CEP43: variants seen among roughly 807,000 people sequenced by gnomAD.
CEP43 encodes the protein FGFR1 oncogene partner.
A neutral mutation model predicts 52.6 loss-of-function variants in CEP43; 36 were observed. The ratio of observed to expected loss-of-function variants is 0.68; its 90% CI spans 0.52 to 0.90. The LOEUF is 0.90. Ranked by LOEUF, CEP43 falls within the 40% of genes least tolerant of loss-of-function variation. The pLI, the probability that CEP43 is intolerant of heterozygous loss-of-function variation, is 0.00. For missense variants in CEP43, 506 were observed against 472.8 expected (o/e 1.07, Z -0.65); for synonymous variants, 192 against 172.4 (o/e 1.11, Z -0.89).
intron 7 of CEP43, among the ~76,000 whole-genome samples, chr6:167,016,994 T>TTTA (rs1780115327): frequency 2.0e-5 from 3 of 149,270 alleles, no homozygotes; most frequent in Non-Finnish European, 3.0e-5. Context: ...TTATTTATTT[T>TTTA]TTTTTTTTTT....
At chr6:167,032,667 T>C in intron 11 of CEP43, 25 bp downstream of exon 11, 4 of 1,539,714 alleles carry the variant, frequency 2.6e-6, no homozygotes, top group Non-Finnish European at 3.5e-6. Flanking sequence ...TGGGCAAATA[T>C]ATAAATATAT....
rs748864790 is a variant in CEP43 at position 167,022,462 on chromosome 6, C to A, written c.633C>A (p.Pro211=). The change falls in exon 8 of 13, where the codon CCC becomes CCA. Residue 211 remains proline, a synonymous_variant. Transcript: ENST00000366847. Reference sequence around the variant, plus strand: ...ATACAAGTGTCTCCTTGTCAGAACCCAAGAGCAAAAGCAGCCTTCACTTAC... The same window carrying A: ...ATACAAGTGTCTCCTTGTCAGAACCAAAGAGCAAAAGCAGCCTTCACTTAC... ...QSDTSVSLSE[P]KSKSSLHLLS... The A allele has an allele frequency of 1.2e-6, 2 of 1,614,038 alleles. No homozygotes were observed. Among genetic ancestry groups the A allele is most frequent in the Non-Finnish European group, 1.7e-6 (2 of 1,179,998 alleles).
chr6:167,009,803 T>A (rs897088770), intron 5 of CEP43, among the ~76,000 whole-genome samples: 1 of 151,542 alleles, frequency 6.6e-6, no homozygotes, highest in Non-Finnish European at 1.5e-5. Context: ...ACCACTGCAC[T>A]CCAGCCTGGG....
intron 10 of CEP43, among the ~76,000 whole-genome samples, chr6:167,031,766 G>T (rs1480310885): frequency 6.6e-6 from 1 of 152,150 alleles, no homozygotes; most frequent in African/African-American, 2.4e-5. Flanking sequence ...CTCCAAGTCT[G>T]CTTTGAGGCT....
At chr6:167,036,430 G>T in intron 12 of CEP43, 1 of 985,418 alleles carries the variant, frequency 1.0e-6, no homozygotes, top group Non-Finnish European at 1.2e-6. Flanking sequence ...GAGGCCCTGG[G>T]GAGGGTAGTC....
intron 5 of CEP43, among the ~76,000 whole-genome samples, chr6:167,006,072 C>T (rs1368411656): frequency 2.0e-5 from 3 of 152,188 alleles, no homozygotes; most frequent in African/African-American, 7.2e-5. Context: ...TCCTTATCTG[C>T]AACATGGAGA....
intron 9 of CEP43, among the ~76,000 whole-genome samples, chr6:167,025,690 C>G (rs532761678): frequency 6.6e-6 from 1 of 152,342 alleles, no homozygotes; most frequent in African/African-American, 2.4e-5. Flanking sequence ...CGGCCTGTTG[C>G]TTCTCTTAAA....
At position 167,033,863 on chromosome 6, in the gene CEP43, T is replaced by G. The variant is rs772073455; in HGVS notation, c.1029-12T>G. The G allele has an allele frequency of 7.1e-7, 1 of 1,413,622 alleles. No homozygotes were observed. Among genetic ancestry groups the G allele is most frequent in the Non-Finnish European group, 9.8e-7 (1 of 1,020,882 alleles). 87.6% of individuals were successfully genotyped at this position (1,413,622 alleles called of 1,614,324 possible). Reference sequence around the variant, plus strand: ...TCAGAGTTCTTATTTTTTTTTCCCCTTCTGAAATTAGTACCAGCCATCGCT... The same window carrying G: ...TCAGAGTTCTTATTTTTTTTTCCCCGTCTGAAATTAGTACCAGCCATCGCT... On this transcript the variant is annotated splice_polypyrimidine_tract_variant and intron_variant, in intron 11 of 12. Transcript: ENST00000366847.
chr6:167,015,887 TA>T (rs1780086889), intron 7 of CEP43, among the ~76,000 whole-genome samples: 1 of 152,114 alleles, frequency 6.6e-6, no homozygotes, highest in South Asian at 2.1e-4. Context: ...AAAAATAAAA[TA>T]AAGATTAAAG....
In CEP43 at chr6:167,013,503, C is replaced by T. The variant is rs1780028422; in HGVS notation, c.520-5C>T. 1 of 1,610,240 alleles carries T rather than the reference C, an allele frequency of 6.2e-7. No individual in the cohort carries two copies. Among genetic ancestry groups the T allele is most frequent in the African/African-American group, 1.3e-5 (1 of 74,794 alleles). On this transcript the variant is annotated splice_polypyrimidine_tract_variant and splice_region_variant and intron_variant, in intron 6 of 12. Transcript: ENST00000366847. Reference sequence around the variant, plus strand: ...GGTAAAATCTCATTTTATTCTCATGCTCAGATACCAAGGTATAAAGGACAA... The same window carrying T: ...GGTAAAATCTCATTTTATTCTCATGTTCAGATACCAAGGTATAAAGGACAA...
At chr6:167,016,182 A>G (rs1354167727) in intron 7 of CEP43, among the ~76,000 whole-genome samples, 2 of 152,054 alleles carry the variant, frequency 1.3e-5, no homozygotes, top group South Asian at 2.1e-4. Context: ...TGTTTTTAAT[A>G]TTTAGAATTA....
intron 7 of CEP43, among the ~76,000 whole-genome samples, chr6:167,020,508 C>G (rs1715560633): frequency 1.3e-5 from 2 of 152,326 alleles, no homozygotes; most frequent in South Asian, 4.1e-4. Context: ...CTCTTTAATT[C>G]TTTCTCAGCC....
intron 7 of CEP43, among the ~76,000 whole-genome samples, chr6:167,021,536 CAT>C (rs755433269): frequency 1.1e-4 from 17 of 152,128 alleles, no homozygotes; most frequent in Non-Finnish European, 2.1e-4. Context: ...TTATTATTAA[CAT>C]AGACCCGTCT....
chr6:167,019,300 C>G (rs375040431), intron 7 of CEP43, among the ~76,000 whole-genome samples: 2 of 145,290 alleles, frequency 1.4e-5, no homozygotes, highest in African/African-American at 5.1e-5. Context: ...TGTGCACACG[C>G]GTACACCTGC....
rs1780009298 is a variant in CEP43 at position 167,012,590 on chromosome 6, A to C, written c.520-918A>C. On this transcript the variant is annotated intron_variant, in intron 6 of 12. Coordinates refer to ENST00000366847, the MANE Select transcript of CEP43 (RefSeq NM_007045.4). Reference sequence around the variant, plus strand: ...ATTTGACTATTTGGAAGCTCTTTTTAGCAAATTATTACTGTTTTTAAAGCA... The same window carrying C: ...ATTTGACTATTTGGAAGCTCTTTTTCGCAAATTATTACTGTTTTTAAAGCA... 2.0e-5 allele frequency among the ~76,000 whole-genome samples: 3 copies of C among 152,222 alleles called. No individual in the cohort carries two copies. The South Asian group carries it at 6.2e-4, about 31-fold the overall frequency.
Position 167,028,468 on chromosome 6 carries a change from G to C in CEP43, c.988+1853G>C. ...TGTTTGTCATTTAGCTAGGCATTAG[G>C]ATTCAGTAGAAATAAAGTTTTATTT... On this transcript the variant is annotated intron_variant, in intron 10 of 12. Coordinates refer to ENST00000366847, the MANE Select transcript of CEP43 (RefSeq NM_007045.4). 3 of 985,268 alleles carry C rather than the reference G, an allele frequency of 3.0e-6. No homozygotes were observed. In the South Asian group the frequency reaches 1.4e-4, roughly 46 times the overall value. The allele number at this position is 985,268 out of a possible 1,614,324, so 61.0% of individuals were successfully genotyped here. A position where few individuals can be genotyped will look rare whatever the true frequency, so the allele number is the denominator to read the frequency against.
chr6:167,042,102 C>T lies in CEP43; in HGVS notation c.*2124C>T. ...AAAGTGCCGGGATTACAGGCGTGAA[C>T]CACCGCACCTGGCCAGTACTACATC... On this transcript the variant is annotated 3_prime_UTR_variant, in exon 13 of 13. Transcript: ENST00000366847. The T allele has an allele frequency of 1.0e-6, 1 of 1,004,012 alleles. No individual in the cohort carries two copies. Among genetic ancestry groups the T allele is most frequent in the Non-Finnish European group, 1.2e-6 (1 of 839,086 alleles). 62.2% of individuals were successfully genotyped at this position (1,004,012 alleles called of 1,614,324 possible).
intron 7 of CEP43, 115 bp from the exon 8 acceptor site, chr6:167,022,294 A>ACACT (rs2128663993): frequency 1.5e-6 from 1 of 681,318 alleles, no homozygotes; most frequent in Non-Finnish European, 2.4e-6. Context: ...ACACACACAC[A>ACACT]CAAAGGTTGC....
At chr6:167,007,601 ATTAC>A (rs1779884825) in intron 5 of CEP43, among the ~76,000 whole-genome samples, 1 of 151,292 alleles carries the variant, frequency 6.6e-6, no homozygotes, top group East Asian at 1.9e-4. Context: ...AGTGTTTTCT[ATTAC>A]TTTGGAAGAA....
Sources: gnomAD v4.1 joint callset for allele counts (sites outside exome capture counted in the v4.1 genomes callset) on GRCh38, gnomAD v4.1.1 for gene constraint, MANE v1.5 for transcripts, NCBI Gene and HGNC (gene_info 2026-07-23, HGNC 2026-07-21) for gene names.